Variants in CAPZB observed in about 807,000 individuals in gnomAD.
CAPZB encodes capping actin protein of muscle Z-line subunit beta, also known as F-actin-capping protein subunit beta.
CAPZB carries 2 observed loss-of-function variants against 38.1 expected under a neutral mutation model. The ratio of observed to expected loss-of-function variants is 0.05; its 90% CI spans 0.02 to 0.17. The LOEUF (loss-of-function observed/expected upper bound fraction) is 0.17. Ranked by LOEUF, CAPZB falls within the 10% of genes least tolerant of loss-of-function variation. The pLI is 1.00. For synonymous variants in CAPZB, 107 were observed against 127.4 expected, an observed-to-expected ratio of 0.84 and a Z score of 1.08; for missense variants, 161 against 334.2, an observed-to-expected ratio of 0.48 and a Z score of 4.04.
chr1:19,372,574 G>T (rs1185875918), intron 4 of CAPZB, among the ~76,000 whole-genome samples: 1 of 152,240 alleles, frequency 6.6e-6, no homozygotes, highest in African/African-American at 2.4e-5. Context: ...TCCTCTGACA[G>T]CTGCTGGTGC....
chr1:19,452,321 T>C (rs2094518781), intron 1 of CAPZB, among the ~76,000 whole-genome samples: 1 of 152,170 alleles, frequency 6.6e-6, no homozygotes, highest in Admixed American at 6.5e-5. Flanking sequence ...CCCGTAGTTG[T>C]TGATCATTGC....
intron 3 of CAPZB, among the ~76,000 whole-genome samples, chr1:19,381,004 C>A (rs2094171461): frequency 6.6e-6 from 1 of 152,080 alleles, no homozygotes; most frequent in South Asian, 2.1e-4. Flanking sequence ...CCCATCTCTA[C>A]TAAACATACA....
intron 2 of CAPZB, 34 bp from the exon 3 acceptor site, chr1:19,385,660 G>A (rs1570074880): frequency 1.2e-6 from 2 of 1,613,968 alleles, no homozygotes; most frequent in African/African-American, 1.3e-5. Context: ...CGAAACAGAG[G>A]TTAAAACAGC....
At chr1:19,345,645 G>A (rs1490831851) in intron 6 of CAPZB, among the ~76,000 whole-genome samples, 1 of 152,270 alleles carries the variant, frequency 6.6e-6, no homozygotes, top group Non-Finnish European at 1.5e-5. Context: ...ATCCACCCCA[G>A]GTTCAGGGCC....
chr1:19,396,786 CAAAAA>C (rs35949767), intron 2 of CAPZB, among the ~76,000 whole-genome samples: 3 of 121,428 alleles, frequency 2.5e-5, no homozygotes, highest in Admixed American at 8.2e-5. Context: ...AATAAAAATA[CAAAAA>C]AAAAAAAAAA....
At chr1:19,470,037 C>T (rs1188705541) in intron 1 of CAPZB, among the ~76,000 whole-genome samples, 2 of 152,082 alleles carry the variant, frequency 1.3e-5, no homozygotes, top group East Asian at 1.9e-4. Flanking sequence ...CTGGGCAACA[C>T]GGTGAAACCC....
intron 1 of CAPZB, among the ~76,000 whole-genome samples, chr1:19,446,562 C>T (rs74462491): frequency 0.053 from 8,126 of 152,114 alleles, 327 homozygotes; most frequent in East Asian, 0.13. Flanking sequence ...TAGGAATCTA[C>T]CCTAATGAAA....
At chr1:19,341,203 T>C (rs1391400025) in intron 8 of CAPZB, among the ~76,000 whole-genome samples, 1 of 152,204 alleles carries the variant, frequency 6.6e-6, no homozygotes, top group African/African-American at 2.4e-5. Flanking sequence ...CTGAGTATCT[T>C]CCCAGGACTG....
At chr1:19,446,873 T>C (rs1387717125) in intron 1 of CAPZB, among the ~76,000 whole-genome samples, 1 of 152,224 alleles carries the variant, frequency 6.6e-6, no homozygotes, top group African/African-American at 2.4e-5. Context: ...ATGTATTTAG[T>C]GAACTCCAAG....
intron 7 of CAPZB, 76 bp from the exon 8 acceptor site, chr1:19,344,510 C>T: frequency 9.0e-7 from 1 of 1,112,288 alleles, no homozygotes; most frequent in East Asian, 2.3e-5. Flanking sequence ...CACCTGCCAG[C>T]CCTGCAGTCC....
chr1:19,377,152 A>C (rs2094148628), intron 4 of CAPZB, among the ~76,000 whole-genome samples: 1 of 152,234 alleles, frequency 6.6e-6, no homozygotes, highest in African/African-American at 2.4e-5. Context: ...TGGGCAGGTA[A>C]AAGAAGATAG....
intron 2 of CAPZB, among the ~76,000 whole-genome samples, chr1:19,418,723 A>G (rs2094390397): frequency 1.3e-5 from 2 of 152,240 alleles, no homozygotes; most frequent in African/African-American, 4.8e-5. Flanking sequence ...TTTTCTGTGA[A>G]TGACATCCGT....
At chr1:19,346,452 T>TTAAA (rs2093960970) in intron 6 of CAPZB, among the ~76,000 whole-genome samples, 1 of 73,252 alleles carries the variant, frequency 1.4e-5, no homozygotes, top group African/African-American at 6.1e-5. Context: ...TGAGAGAAGC[T>TTAAA]AAAAAAAAAA....
chr1:19,374,016 T>A (rs534400944), intron 4 of CAPZB, among the ~76,000 whole-genome samples: 1 of 152,152 alleles, frequency 6.6e-6, no homozygotes, highest in East Asian at 1.9e-4. Flanking sequence ...AATGGGTTAA[T>A]GGGTGGGGGG....
In CAPZB at chr1:19,346,151, G is replaced by T. The variant is rs143533075; in HGVS notation, c.589-899C>A. On this transcript the variant is annotated intron_variant, in intron 6 of 8. Transcript: ENST00000264202. Reference sequence around the variant, plus strand: ...TGCCTCATAACGCACAGGGTACCTGGAAGAGTGCTAGGAACATAAATGCTC... The same window carrying T: ...TGCCTCATAACGCACAGGGTACCTGTAAGAGTGCTAGGAACATAAATGCTC... Among the ~76,000 whole-genome samples, 5 of 152,280 alleles carry T rather than the reference G, an allele frequency of 3.3e-5. No individual in the cohort carries two copies. The East Asian group carries it at 9.6e-4, about 29-fold the overall frequency.
intron 1 of CAPZB, chr1:19,448,897 C>T: frequency 6.2e-7 from 1 of 1,612,912 alleles, no homozygotes; most frequent in Non-Finnish European, 8.5e-7. Flanking sequence ...ACCCTGTATC[C>T]TGGAACTGCC....
chr1:19,344,446 G>A lies in CAPZB; in HGVS notation c.655-12C>T, dbSNP rs2093949813. ...TTATTTTCCATGTCCTGGAAGGGAG[G>A]TCGGTCAGCGCAGTGGCAAAAGGTC... On this transcript the variant is annotated splice_polypyrimidine_tract_variant and intron_variant, in intron 7 of 8. Transcript: ENST00000264202. 9.9e-6 allele frequency: 16 copies of A among 1,611,616 alleles called. No homozygotes were observed. The highest frequency in any genetic ancestry group is 1.3e-5 in the Non-Finnish European group (15 of 1,177,718).
chr1:19,453,524 G>A (rs930179458), intron 1 of CAPZB, among the ~76,000 whole-genome samples: 5 of 152,186 alleles, frequency 3.3e-5, no homozygotes, highest in African/African-American at 1.2e-4. Flanking sequence ...GCCTCCCAAA[G>A]TGCTGTGACT....
intron 3 of CAPZB, among the ~76,000 whole-genome samples, chr1:19,382,162 G>A (rs2094178945): frequency 6.6e-6 from 1 of 152,142 alleles, no homozygotes; most frequent in African/African-American, 2.4e-5. Context: ...GCAGACTGGG[G>A]GCCTGCAATT....
Sources: gnomAD v4.1 joint callset for allele counts (sites outside exome capture counted in the v4.1 genomes callset) on GRCh38, gnomAD v4.1.1 for gene constraint, MANE v1.5 for transcripts, NCBI Gene and HGNC (gene_info 2026-07-23, HGNC 2026-07-21) for gene names.